Variants in OC90 observed in about 807,000 individuals in gnomAD.
The protein encoded by OC90 is otoconin 90.
A neutral mutation model predicts 47.3 loss-of-function variants in OC90; 46 were observed. The ratio of observed to expected loss-of-function variants is 0.97; its 90% CI spans 0.77 to 1.24. OC90 has a LOEUF of 1.24. Ranked by LOEUF, OC90 falls within the 50% of genes most tolerant of loss-of-function variation. The pLI, the probability that OC90 is intolerant of heterozygous loss-of-function variation, is 0.00. For missense variants in OC90, 688 were observed against 583.9 expected (o/e 1.18, Z -1.84); for synonymous variants, 271 against 219.5 (o/e 1.23, Z -2.07).
chr8:132,037,510 T>C, intron 8 of OC90, 22 bp from the exon 9 acceptor site: 1 of 1,563,258 alleles, frequency 6.4e-7, no homozygotes. Flanking sequence ...GAGTTCCCAA[T>C]AGCAGTGACT....
At chr8:132,054,915 G>T in intron 2 of OC90, 66 bp downstream of exon 2, 1 of 1,165,416 alleles carries the variant, frequency 8.6e-7, no homozygotes, top group Non-Finnish European at 1.2e-6. Context: ...CCTGTTGAAG[G>T]GACAGTATTC....
At chr8:132,032,915 G>T in intron 11 of OC90, 124 bp downstream of exon 11, 3 of 1,090,118 alleles carry the variant, frequency 2.8e-6, no homozygotes, top group Non-Finnish European at 1.3e-6. Context: ...CAGTCAGGGG[G>T]ATGATGTCTT....
At chr8:132,055,104 A>G in intron 1 of OC90, 31 bp from the exon 2 acceptor site, 2 of 1,211,524 alleles carry the variant, frequency 1.7e-6, no homozygotes, top group Non-Finnish European at 2.3e-6. Flanking sequence ...ATAGGATGGA[A>G]GCATTTTCAG....
At chr8:132,045,635 G>T (rs1165438909) in intron 3 of OC90, among the ~76,000 whole-genome samples, 183 bp downstream of exon 3, 7 of 152,184 alleles carry the variant, frequency 4.6e-5, no homozygotes, top group Non-Finnish European at 8.8e-5. Context: ...GTGAGAAAAA[G>T]GTTGGGCCAG....
At chr8:132,044,670 G>A (rs1823106492) in intron 3 of OC90, among the ~76,000 whole-genome samples, 181 bp from the exon 4 acceptor site, 1 of 152,176 alleles carries the variant, frequency 6.6e-6, no homozygotes, top group African/African-American at 2.4e-5. Context: ...GAGATGAAAT[G>A]TGAATTCCAT....
chr8:132,026,669 A>G lies in OC90; in HGVS notation c.1139-1893T>C, dbSNP rs1368224757. Reference sequence around the variant, plus strand: ...GTTTACTGAAGCTGTGAATCAGTTCAATCTTCAGATGCAGTGTTCCTGGAT... The same window carrying G: ...GTTTACTGAAGCTGTGAATCAGTTCGATCTTCAGATGCAGTGTTCCTGGAT... On this transcript the variant is annotated intron_variant, in intron 13 of 13. Transcript: ENST00000254627. Among the ~76,000 whole-genome samples, 5 of 152,212 alleles carry G rather than the reference A, an allele frequency of 3.3e-5. No individual in the cohort carries two copies. In the East Asian group the frequency reaches 9.6e-4, roughly 29 times the overall value.
rs747162051 is a variant in OC90, at chr8:132,055,031, G to C, written c.-5C>G. ...GGTGAGGAGAAACGCAATCATAGCA[G>C]GAGAACAAAGGATGGGGCTTAGGCA... On this transcript the variant is annotated 5_prime_UTR_variant, in exon 2 of 14. Transcript: ENST00000254627. 2 of 1,550,798 alleles carry C rather than the reference G, an allele frequency of 1.3e-6. No homozygotes were observed. The highest frequency in any genetic ancestry group is 2.0e-5 in the Admixed American group (1 of 50,794).
intron 9 of OC90, chr8:132,036,488 A>G (rs1019587889): frequency 5.2e-6 from 4 of 775,784 alleles, no homozygotes; most frequent in Admixed American, 3.4e-5. Flanking sequence ...GGGGAAACAG[A>G]TTTGGGGGCT....
At position 132,024,216 on chromosome 8, in the gene OC90, T is replaced by G; in HGVS notation, c.*265A>C. The G allele has an allele frequency of 5.6e-6, 2 of 356,198 alleles. No individual in the cohort carries two copies. Among genetic ancestry groups the G allele is most frequent in the East Asian group, 4.2e-5 (1 of 23,680 alleles). The allele number at this position is 356,198 out of a possible 1,614,324, so 22.1% of individuals were successfully genotyped here. A position where few individuals can be genotyped will look rare whatever the true frequency, so the allele number is the denominator to read the frequency against. Reference sequence around the variant, plus strand: ...TCTTAAAAGCAAAACAATCAGAGCATGTTGATTGGAGTATTTATTGAGCTT... The same window carrying G: ...TCTTAAAAGCAAAACAATCAGAGCAGGTTGATTGGAGTATTTATTGAGCTT... On this transcript the variant is annotated 3_prime_UTR_variant, in exon 14 of 14. Transcript: ENST00000254627.
chr8:132,027,257 T>C (rs1563726935), intron 13 of OC90, among the ~76,000 whole-genome samples: 1 of 152,238 alleles, frequency 6.6e-6, no homozygotes, highest in South Asian at 2.1e-4. Context: ...GCAAGGATCA[T>C]GAAAGTTCAT....
chr8:132,026,156 C>G (rs1477369319), intron 13 of OC90, among the ~76,000 whole-genome samples: 4 of 152,090 alleles, frequency 2.6e-5, no homozygotes, highest in African/African-American at 9.7e-5. Context: ...GCAAACCAAC[C>G]CTATTTTTTT....
At chr8:132,037,654 C>T (rs533118077) in intron 8 of OC90, among the ~76,000 whole-genome samples, 166 bp from the exon 9 acceptor site, 6 of 152,292 alleles carry the variant, frequency 3.9e-5, no homozygotes, top group Admixed American at 2.6e-4. Flanking sequence ...GTCACTTGCC[C>T]CTGTTACTCC....
chr8:132,042,292 G>A (rs1047505939), intron 4 of OC90, among the ~76,000 whole-genome samples: 3 of 152,240 alleles, frequency 2.0e-5, no homozygotes, highest in South Asian at 2.1e-4. Context: ...CTGGGTCTTT[G>A]ATACCTGTGT....
chr8:132,057,639 G>A (rs1347909428), intron 1 of OC90, among the ~76,000 whole-genome samples: 1 of 152,114 alleles, frequency 6.6e-6, no homozygotes, highest in Non-Finnish European at 1.5e-5. Flanking sequence ...TGGCTGACAT[G>A]GTCAATATTA....
At chr8:132,028,617 G>A (rs946052302) in intron 13 of OC90, among the ~76,000 whole-genome samples, 17 of 35,150 alleles carry the variant, frequency 4.8e-4, no homozygotes, top group African/African-American at 1.6e-3. Flanking sequence ...GAGGGAAGGA[G>A]GAAGGAAGGA....
Position 132,039,117 on chromosome 8 carries a change from T to A in OC90, c.464A>T (p.Lys155Met). 3.7e-6 allele frequency: 6 copies of A among 1,606,114 alleles called. No individual in the cohort carries two copies. Among genetic ancestry groups the A allele is most frequent in the Non-Finnish European group, 5.1e-6 (6 of 1,176,218 alleles). The change falls in exon 7 of 14, where the codon AAG (lysine) becomes ATG (methionine). Residue 155 changes from lysine to methionine, a missense_variant. Transcript: ENST00000254627. ...CVSKKIICES[K>M]DNCEHLLCTC... is the part of the protein sequence containing the mutation. The stretch of plus-strand genomic sequence containing the variant: ...ACACAGCAGGTGCTCACAGTTGTCC[T>A]TGGACTCTGCACACAGCAAGAGCAT...
intron 4 of OC90, among the ~76,000 whole-genome samples, chr8:132,044,007 C>G (rs902604771): frequency 1.8e-4 from 28 of 152,144 alleles, no homozygotes; most frequent in Non-Finnish European, 4.4e-5. Flanking sequence ...CTTTGACACA[C>G]TTTGACGTTC....
intron 13 of OC90, among the ~76,000 whole-genome samples, chr8:132,027,520 T>C (rs547852436): frequency 1.9e-4 from 29 of 152,350 alleles, no homozygotes; most frequent in African/African-American, 6.7e-4. Context: ...CAAACTCTTA[T>C]AGGGCCTCTG....
In OC90 at chr8:132,032,045, G is replaced by A. The variant is rs1227934502; in HGVS notation, c.867C>T (p.Asp289=). The part of the protein sequence containing the change: ...DPEETTEKAC[D]RFTFLHLGSG... Reference sequence around the variant, plus strand: ...TTCCCAGGTGCAGGAAGGTGAATCTGTCACAGGCTGAAAGGAACAGGAATT... The same window carrying A: ...TTCCCAGGTGCAGGAAGGTGAATCTATCACAGGCTGAAAGGAACAGGAATT... Residue 289 remains aspartate (D), a synonymous_variant, in exon 12 of 14, where the codon GAC becomes GAT. Coordinates refer to ENST00000254627, the MANE Select transcript of OC90 (RefSeq NM_001080399.3). 1.2e-6 allele frequency: 2 copies of A among 1,613,524 alleles called. No individual in the cohort carries two copies. The highest frequency in any genetic ancestry group is 1.1e-5 in the South Asian group (1 of 91,030).
Sources: allele counts gnomAD v4.1 joint callset (sites outside exome capture counted in the v4.1 genomes callset), GRCh38; gene constraint gnomAD v4.1.1; transcripts MANE v1.5; gene names NCBI Gene and HGNC (gene_info 2026-07-23, HGNC 2026-07-21).